The following UBE2E3 variants were observed in gnomAD, a reference collection of about 807,000 sequenced individuals.
UBE2E3 encodes ubiquitin-conjugating enzyme E2 E3.
A neutral mutation model predicts 23.6 loss-of-function variants in UBE2E3; 5 were observed. The observed-to-expected ratio is 0.21, with a 90% CI of 0.11 to 0.44. The LOEUF (loss-of-function observed/expected upper bound fraction) is 0.44. UBE2E3 is among the 20% of genes least tolerant of loss of function. The probability of loss-of-function intolerance (pLI) is 0.99; values close to 1 mark genes in which losing one functional copy is unlikely to be tolerated. For missense variants in UBE2E3, 81 were observed against 249.8 expected (o/e 0.32, Z 4.55); for synonymous variants, 78 against 87.5 (o/e 0.89, Z 0.60).
intron 3 of UBE2E3, among the ~76,000 whole-genome samples, chr2:181,013,941 A>C (rs1463553917): frequency 6.6e-6 from 1 of 152,202 alleles, no homozygotes; most frequent in Non-Finnish European, 1.5e-5. Context: ...GGAGAGCAAG[A>C]GCAGATGCTG....
chr2:180,996,876 A>AG (rs1218366203), intron 3 of UBE2E3, among the ~76,000 whole-genome samples: 2 of 152,184 alleles, frequency 1.3e-5, no homozygotes, highest in Non-Finnish European at 2.9e-5. Flanking sequence ...ATGCAAAAAA[A>AG]AATTTCTTCC....
At chr2:180,989,821 G>A (rs767381314) in intron 3 of UBE2E3, 72 of 1,487,052 alleles carry the variant, frequency 4.8e-5, no homozygotes, top group Non-Finnish European at 6.1e-5. Context: ...TAACCAATTA[G>A]TACTTTATGC....
chr2:180,984,745 A>G (rs1285967798), intron 3 of UBE2E3, among the ~76,000 whole-genome samples: 3 of 152,194 alleles, frequency 2.0e-5, no homozygotes, highest in Non-Finnish European at 4.4e-5. Context: ...ATTTTAGTGG[A>G]ACTCAGGTAG....
intron 3 of UBE2E3, among the ~76,000 whole-genome samples, chr2:181,050,133 C>T (rs1212846341): frequency 6.6e-6 from 1 of 151,820 alleles, no homozygotes; most frequent in Non-Finnish European, 1.5e-5. Context: ...CTGCTTAATA[C>T]AAATTTTAGG....
chr2:181,027,651 G>A (rs1685939163), intron 3 of UBE2E3, among the ~76,000 whole-genome samples: 1 of 151,872 alleles, frequency 6.6e-6, no homozygotes, highest in Non-Finnish European at 1.5e-5. Context: ...CAAGAGTGCT[G>A]CAGCATGTTG....
At chr2:180,984,278 T>C (rs1249680582) in intron 3 of UBE2E3, among the ~76,000 whole-genome samples, 185 bp downstream of exon 3, 1 of 152,248 alleles carries the variant, frequency 6.6e-6, no homozygotes, top group Non-Finnish European at 1.5e-5. Context: ...CTTTTTAGCA[T>C]AAGTATACAT....
chr2:181,034,068 C>G (rs1686180814), intron 3 of UBE2E3, among the ~76,000 whole-genome samples: 1 of 152,166 alleles, frequency 6.6e-6, no homozygotes, highest in Non-Finnish European at 1.5e-5. Context: ...AACACTTTTA[C>G]ACTGTTGGTG....
chr2:181,012,486 C>T (rs1053003964), intron 3 of UBE2E3, among the ~76,000 whole-genome samples: 3 of 152,022 alleles, frequency 2.0e-5, no homozygotes, highest in African/African-American at 4.8e-5. Flanking sequence ...TACATGAGGT[C>T]GCTCATGGAT....
intron 3 of UBE2E3, among the ~76,000 whole-genome samples, chr2:180,992,239 C>T (rs550518574): frequency 2.1e-5 from 3 of 144,482 alleles, no homozygotes; most frequent in Admixed American, 6.9e-5. Context: ...GTTGTTTTTC[C>T]ACTTTGCTTT....
At chr2:181,025,144 T>G (rs1685844414) in intron 3 of UBE2E3, among the ~76,000 whole-genome samples, 1 of 151,618 alleles carries the variant, frequency 6.6e-6, no homozygotes, top group African/African-American at 2.4e-5. Flanking sequence ...GGGGCACGAG[T>G]GGTTTGAAGT....
At position 180,989,967 on chromosome 2, in the gene UBE2E3, A is replaced by G. The variant is rs774064980; in HGVS notation, c.245+5874A>G. On this transcript the variant is annotated intron_variant, in intron 3 of 5. Transcript: ENST00000410062. ...CCTTTCAGTCTCTTCTTCCCTATCA[A>G]TATGAGATAAAAACATAATAAAATC... 31 of 1,545,624 alleles carry G rather than the reference A, an allele frequency of 2.0e-5. 1 individual carries two copies. Among genetic ancestry groups the G allele is most frequent in the East Asian group, 1.2e-4 (5 of 40,826 alleles).
chr2:181,054,889 A>G (rs2105477210), intron 3 of UBE2E3, among the ~76,000 whole-genome samples: 1 of 151,942 alleles, frequency 6.6e-6, no homozygotes, highest in East Asian at 1.9e-4. Flanking sequence ...AGGAATAGGA[A>G]TAGAGAGTGA....
At chr2:181,049,231 CA>C (rs1374447643) in intron 3 of UBE2E3, among the ~76,000 whole-genome samples, 3 of 151,970 alleles carry the variant, frequency 2.0e-5, no homozygotes, top group Admixed American at 6.6e-5. Flanking sequence ...ATATAAAAAA[CA>C]AGGGATTTAA....
chr2:181,039,947 G>C (rs1686431680), intron 3 of UBE2E3, among the ~76,000 whole-genome samples: 1 of 151,994 alleles, frequency 6.6e-6, no homozygotes, highest in Admixed American at 6.6e-5. Flanking sequence ...CTTTTTATTT[G>C]TGTGATTTCT....
chr2:181,014,888 TAATA>T, intron 3 of UBE2E3, among the ~76,000 whole-genome samples: 1 of 152,170 alleles, frequency 6.6e-6, no homozygotes, highest in South Asian at 2.1e-4. Context: ...TTGAAATATA[TAATA>T]AATTATTAAC....
At chr2:180,991,614 A>C (rs139626926) in intron 3 of UBE2E3, among the ~76,000 whole-genome samples, 1 of 152,320 alleles carries the variant, frequency 6.6e-6, no homozygotes, top group East Asian at 1.9e-4. Context: ...CAAACTCATA[A>C]ACTTTCTTAA....
chr2:180,985,733 G>A (rs1574153598), intron 3 of UBE2E3, among the ~76,000 whole-genome samples: 1 of 152,110 alleles, frequency 6.6e-6, no homozygotes, highest in Non-Finnish European at 1.5e-5. Flanking sequence ...TATGAAAAAT[G>A]TAAAGATCTA....
intron 3 of UBE2E3, among the ~76,000 whole-genome samples, chr2:180,984,376 G>T (rs931287678): frequency 6.6e-6 from 1 of 152,198 alleles, no homozygotes; most frequent in South Asian, 2.1e-4. Context: ...TGTAGAGGGT[G>T]TTTTTTCAGA....
intron 3 of UBE2E3, among the ~76,000 whole-genome samples, chr2:181,056,729 G>C (rs1686999131): frequency 6.6e-6 from 1 of 151,730 alleles, no homozygotes; most frequent in Non-Finnish European, 1.5e-5. Context: ...CTAAATCTTG[G>C]GAAGAAATTT....
Sources: allele counts gnomAD v4.1 joint callset (sites outside exome capture counted in the v4.1 genomes callset), GRCh38; gene constraint gnomAD v4.1.1; transcripts MANE v1.5; gene names NCBI Gene and HGNC (gene_info 2026-07-23, HGNC 2026-07-21).